PEX7: variants seen among roughly 807,000 people sequenced by gnomAD.
The protein encoded by PEX7 is PTS2 receptor.
In PEX7, 34 loss-of-function variants were observed where a neutral mutation model predicts 47.5. That is an observed-to-expected ratio of 0.72 (90% CI 0.54 to 0.95). The LOEUF (loss-of-function observed/expected upper bound fraction) is 0.95, where lower values mean the gene tolerates loss of function less well. PEX7 is among the 40% of genes least tolerant of loss of function. PEX7 has a pLI of 0.00. For synonymous variants in PEX7, 141 were observed against 148.8 expected, an observed-to-expected ratio of 0.95 and a Z score of 0.38; for missense variants, 394 against 400.3, an observed-to-expected ratio of 0.98 and a Z score of 0.13.
intron 6 of PEX7, among the ~76,000 whole-genome samples, chr6:136,867,496 T>C (rs988702869): frequency 1.3e-5 from 2 of 150,464 alleles, no homozygotes; most frequent in African/African-American, 4.9e-5. Context: ...AAAAAGAGTT[T>C]AAAAAGTAAA....
At chr6:136,888,141 C>T (rs72987503) in intron 8 of PEX7, among the ~76,000 whole-genome samples, 4,361 of 152,112 alleles carry the variant, frequency 0.029, 107 homozygotes, top group Middle Eastern at 0.061. Context: ...CTCTGCCTCA[C>T]AAACCTTTCA....
At chr6:136,855,244 GAAC>G (rs1774838621) in intron 5 of PEX7, among the ~76,000 whole-genome samples, 1 of 152,002 alleles carries the variant, frequency 6.6e-6, no homozygotes, top group African/African-American at 2.4e-5. Flanking sequence ...ACAATTCCTT[GAAC>G]AATTGATAGG....
At chr6:136,841,037 A>G (rs1013753586) in intron 3 of PEX7, among the ~76,000 whole-genome samples, 1 of 152,252 alleles carries the variant, frequency 6.6e-6, no homozygotes, top group Non-Finnish European at 1.5e-5. Context: ...TGCTGCTGCT[A>G]AAATATAAGA....
At chr6:136,844,881 AAGATTCAAAGTAACCTG>A (rs1359204964) in intron 3 of PEX7, among the ~76,000 whole-genome samples, 2 of 152,254 alleles carry the variant, frequency 1.3e-5, no homozygotes, top group Non-Finnish European at 2.9e-5. Context: ...AGAGAGTAGT[AAGATTCAAAGTAACCTG>A]CTGGCTGATC....
At chr6:136,878,667 C>G (rs1409538562) in intron 8 of PEX7, among the ~76,000 whole-genome samples, 2 of 151,956 alleles carry the variant, frequency 1.3e-5, no homozygotes, top group African/African-American at 4.8e-5. Context: ...CCATTTTGTT[C>G]TAGGTATGTT....
intron 9 of PEX7, among the ~76,000 whole-genome samples, chr6:136,906,073 C>T (rs1272736472): frequency 6.6e-6 from 1 of 152,196 alleles, no homozygotes; most frequent in Non-Finnish European, 1.5e-5. Flanking sequence ...CTCTTTCCAT[C>T]ATCCCATTGA....
intron 3 of PEX7, among the ~76,000 whole-genome samples, chr6:136,837,812 C>CCACACACA (rs34680868): frequency 7.5e-4 from 110 of 146,814 alleles, no homozygotes; most frequent in Middle Eastern, 3.5e-3. Context: ...AATTTAAACG[C>CCACACACA]CACACACACA....
intron 5 of PEX7, among the ~76,000 whole-genome samples, chr6:136,857,526 C>G (rs1334371405): frequency 6.6e-6 from 1 of 152,178 alleles, no homozygotes; most frequent in African/African-American, 2.4e-5. Context: ...AATGCTAAGA[C>G]AAAATCTAGA....
chr6:136,834,144 A>G (rs1263139662), intron 3 of PEX7, among the ~76,000 whole-genome samples: 1 of 152,220 alleles, frequency 6.6e-6, no homozygotes, highest in Non-Finnish European at 1.5e-5. Context: ...TTGGGTAGTT[A>G]GTAGTTTTTA....
At chr6:136,892,795 T>C (rs866075261) in intron 8 of PEX7, among the ~76,000 whole-genome samples, 2 of 152,266 alleles carry the variant, frequency 1.3e-5, no homozygotes, top group South Asian at 2.1e-4. Context: ...GAGAATCTTT[T>C]TTGATGTCTT....
At chr6:136,869,258 T>G (rs779535689) in intron 6 of PEX7, among the ~76,000 whole-genome samples, 5 of 152,006 alleles carry the variant, frequency 3.3e-5, no homozygotes, top group Non-Finnish European at 7.4e-5. Context: ...ATTTTTTTTT[T>G]AGAGACAGGG....
chr6:136,902,962 T>G (rs1479149790), intron 9 of PEX7, among the ~76,000 whole-genome samples: 1 of 152,176 alleles, frequency 6.6e-6, no homozygotes, highest in African/African-American at 2.4e-5. Flanking sequence ...ATGACAAAAT[T>G]TTGGAAATTA....
intron 3 of PEX7, among the ~76,000 whole-genome samples, chr6:136,845,316 C>T (rs183932147): frequency 1.3e-5 from 2 of 152,230 alleles, no homozygotes; most frequent in Non-Finnish European, 2.9e-5. Context: ...GGGCTGCAAA[C>T]AGTGATTTGT....
intron 5 of PEX7, among the ~76,000 whole-genome samples, chr6:136,862,043 TTATA>T (rs905312169): frequency 7.6e-6 from 1 of 130,736 alleles, no homozygotes; most frequent in Non-Finnish European, 1.6e-5. Flanking sequence ...TTTATATATA[TTATA>T]TATATATATA....
chr6:136,877,717 C>G (rs750882814), intron 8 of PEX7, among the ~76,000 whole-genome samples: 1 of 152,144 alleles, frequency 6.6e-6, no homozygotes, highest in Non-Finnish European at 1.5e-5. Context: ...ATTGCTGTAG[C>G]CTTGTAGTAT....
chr6:136,840,952 C>G (rs546670705), intron 3 of PEX7, among the ~76,000 whole-genome samples: 1 of 152,132 alleles, frequency 6.6e-6, no homozygotes, highest in Non-Finnish European at 1.5e-5. Context: ...ATTTTCTGTT[C>G]TCCTTACTCT....
chr6:136,894,589 C>G (rs1371338408), intron 8 of PEX7, among the ~76,000 whole-genome samples: 2 of 151,140 alleles, frequency 1.3e-5, no homozygotes, highest in African/African-American at 4.9e-5. Context: ...GACTCCATCT[C>G]AAAAAAAATA....
intron 8 of PEX7, among the ~76,000 whole-genome samples, chr6:136,880,124 A>G (rs1170236434): frequency 1.4e-5 from 2 of 139,478 alleles, no homozygotes; most frequent in South Asian, 2.2e-4. Flanking sequence ...CTACTTCACT[A>G]TTTTTTTTTT....
Position 136,900,293 on chromosome 6 carries a change from G to A in PEX7, c.903+2052G>A, listed in dbSNP as rs1775730756. 1 of 189,174 alleles carries A rather than the reference G, an allele frequency of 5.3e-6. No homozygotes were observed. Among genetic ancestry groups the A allele is most frequent in the Admixed American group, 5.5e-5 (1 of 18,090 alleles). 11.7% of individuals were successfully genotyped at this position (189,174 alleles called of 1,614,324 possible). ...TTTTAAACACAAACATTTGAGTTGT[G>A]TATATTATTAATTTATATATTTTTC... On this transcript the variant is annotated intron_variant, in intron 9 of 9. Coordinates refer to ENST00000318471, the MANE Select transcript of PEX7 (RefSeq NM_000288.4). This position sits in a 1 kb window ranked among gnomAD's most constrained non-coding sequence, Gnocchi z 4.2.
Sources: allele counts gnomAD v4.1 joint callset (sites outside exome capture counted in the v4.1 genomes callset), GRCh38; gene constraint gnomAD v4.1.1; non-coding constraint Gnocchi (gnomAD v3.1); transcripts MANE v1.5; gene names NCBI Gene and HGNC (gene_info 2026-07-23, HGNC 2026-07-21).